Variants in GRK3 observed in about 807,000 individuals in gnomAD.
GRK3 encodes the protein adrenergic, beta, receptor kinase 2.
A neutral mutation model predicts 95.7 loss-of-function variants in GRK3; 54 were observed. That is an observed-to-expected ratio of 0.56 (90% confidence interval 0.45 to 0.71). The LOEUF is 0.71. Among genes scored for constraint, GRK3 ranks in the 30% least tolerant of loss-of-function variants. GRK3 has a pLI of 0.00. For missense variants in GRK3, 649 were observed against 851.2 expected, an observed-to-expected ratio of 0.76 and a Z score of 2.96; for synonymous variants, 281 against 290.8, an observed-to-expected ratio of 0.97 and a Z score of 0.34.
At position 25,711,055 on chromosome 22, in the gene GRK3, T is replaced by A. The variant is rs1233921989; in HGVS notation, c.1396-13T>A. 3 of 1,582,298 alleles carry A rather than the reference T, an allele frequency of 1.9e-6. No homozygotes were observed. In the African/African-American group the frequency reaches 4.1e-5, roughly 21 times the overall value. ...CATCTGAAAACTGTACCATGCTTGT[T>A]TGGATCTTCCAGTACCCACCACCCT... On this transcript the variant is annotated splice_polypyrimidine_tract_variant and intron_variant, in intron 16 of 20. Transcript: ENST00000324198.
intron 2 of GRK3, among the ~76,000 whole-genome samples, chr22:25,612,940 TA>T (rs1031450774): frequency 1.3e-5 from 2 of 151,818 alleles, no homozygotes; most frequent in African/African-American, 2.4e-5. Context: ...TGGTAATTAT[TA>T]AAAAAAACCC....
chr22:25,646,036 A>C (rs1273532680), intron 3 of GRK3, among the ~76,000 whole-genome samples: 1 of 152,132 alleles, frequency 6.6e-6, no homozygotes, highest in Non-Finnish European at 1.5e-5. Context: ...CCTGCTTACC[A>C]GAGTACAAAG....
intron 13 of GRK3, among the ~76,000 whole-genome samples, chr22:25,697,522 A>T (rs1014385000): frequency 3.3e-5 from 5 of 152,174 alleles, no homozygotes; most frequent in Admixed American, 2.6e-4. Flanking sequence ...GATGGATGAG[A>T]TAAGTGGAGA....
intron 3 of GRK3, among the ~76,000 whole-genome samples, chr22:25,647,020 C>CAAAAAAAAAAAAAAAAAA (rs1025786169): frequency 3.7e-5 from 2 of 54,002 alleles, no homozygotes; most frequent in African/African-American, 1.3e-4. Flanking sequence ...GACTTTGTCT[C>CAAAAAAAAAAAAAAAAAA]AAAAAAAAAA....
At chr22:25,596,556 G>A (rs2084373738) in intron 1 of GRK3, among the ~76,000 whole-genome samples, 2 of 152,162 alleles carry the variant, frequency 1.3e-5, no homozygotes, top group Admixed American at 1.3e-4. Context: ...CTTTGAGACA[G>A]GAGAGTACTA....
chr22:25,674,792 A>G (rs540968104), intron 8 of GRK3, among the ~76,000 whole-genome samples: 1 of 152,294 alleles, frequency 6.6e-6, no homozygotes, highest in South Asian at 2.1e-4. Context: ...TACTAAAAAT[A>G]CAAAAAATTA....
intron 1 of GRK3, among the ~76,000 whole-genome samples, chr22:25,575,491 T>G (rs1394770818): frequency 6.6e-6 from 1 of 152,218 alleles, no homozygotes; most frequent in Non-Finnish European, 1.5e-5. Context: ...CTTGCTGGAC[T>G]TCTCTTCTAG....
At chr22:25,674,004 T>C (rs2085006193) in intron 7 of GRK3, among the ~76,000 whole-genome samples, 1 of 152,122 alleles carries the variant, frequency 6.6e-6, no homozygotes, top group South Asian at 2.1e-4. Context: ...GCCCCTGACA[T>C]GGACTCTCAT....
intron 12 of GRK3, among the ~76,000 whole-genome samples, chr22:25,693,819 G>A (rs1317527404): frequency 1.5e-5 from 2 of 129,468 alleles, no homozygotes; most frequent in Admixed American, 9.9e-5. Flanking sequence ...CACTCTTGTC[G>A]CCCAGGCTGG....
At chr22:25,643,704 A>T (rs2084759777) in intron 2 of GRK3, among the ~76,000 whole-genome samples, 1 of 152,254 alleles carries the variant, frequency 6.6e-6, no homozygotes. Flanking sequence ...TTAGGCATTA[A>T]GCTAGGCACT....
chr22:25,683,689 TA>T (rs2085092030), intron 9 of GRK3, among the ~76,000 whole-genome samples: 1 of 152,198 alleles, frequency 6.6e-6, no homozygotes, highest in African/African-American at 2.4e-5. Context: ...GTGAATTGCC[TA>T]TTTTTTTTCC....
At chr22:25,636,376 T>A (rs2084701787) in intron 2 of GRK3, among the ~76,000 whole-genome samples, 1 of 152,194 alleles carries the variant, frequency 6.6e-6, no homozygotes, top group African/African-American at 2.4e-5. Flanking sequence ...ATACTCCCAT[T>A]CCAATTCAGT....
Position 25,714,584 on chromosome 22 carries a change from C to G in GRK3, c.1654+14C>G. On this transcript the variant is annotated intron_variant, in intron 18 of 20. Transcript: ENST00000324198. ...GCCACGAAGAAGGTAAAATAGCTCA[C>G]GTGTCTCAAAACATTTCTAATGCAG... The G allele has an allele frequency of 6.4e-7, 1 of 1,573,534 alleles. No homozygotes were observed. Among genetic ancestry groups the G allele is most frequent in the Non-Finnish European group, 8.6e-7 (1 of 1,163,390 alleles).
At chr22:25,663,755 G>T (rs764728772) in intron 5 of GRK3, 51 bp downstream of exon 5, 1 of 1,336,348 alleles carries the variant, frequency 7.5e-7, no homozygotes, top group South Asian at 1.2e-5. Flanking sequence ...TTAACACTTG[G>T]CCTTGGTGAC....
rs1940645100 is a variant in GRK3 at position 25,729,227 on chromosome 22, T to C, written c.*6777T>C. 1 of 152,254 alleles carries C rather than the reference T, an allele frequency of 6.6e-6. No individual in the cohort carries two copies. The highest frequency in any genetic ancestry group is 6.5e-5 in the Admixed American group (1 of 15,276). The allele number at this position is 152,254 out of a possible 1,614,324, so 9.4% of individuals were successfully genotyped here. A position where few individuals can be genotyped will look rare whatever the true frequency, so the allele number is the denominator to read the frequency against. On this transcript the variant is annotated 3_prime_UTR_variant, in exon 21 of 21. Transcript: ENST00000324198. ...ACCGTTTTTACAGTTACTTTGGAGC[T>C]GCTAGACTGGTTTTCTGTGTTGGTA...
At chr22:25,721,797 C>T (rs2085434832) in intron 20 of GRK3, among the ~76,000 whole-genome samples, 1 of 152,138 alleles carries the variant, frequency 6.6e-6, no homozygotes, top group South Asian at 2.1e-4. Flanking sequence ...TACATTGTAA[C>T]ACAAATTTCA....
chr22:25,722,223 G>C, intron 20 of GRK3, 66 bp from the exon 21 acceptor site: 1 of 1,572,310 alleles, frequency 6.4e-7, no homozygotes, highest in Non-Finnish European at 8.7e-7. Flanking sequence ...AATCAATAGG[G>C]GCAGCCTCCG....
chr22:25,575,250 G>A (rs538076583), intron 1 of GRK3, among the ~76,000 whole-genome samples: 195 of 152,290 alleles, frequency 1.3e-3, no homozygotes, highest in Non-Finnish European at 2.4e-3. Context: ...AGCTTATTTG[G>A]AAACTCCTTC....
chr22:25,612,870 G>A (rs1373852104), intron 2 of GRK3, among the ~76,000 whole-genome samples: 1 of 150,080 alleles, frequency 6.7e-6, no homozygotes, highest in Non-Finnish European at 1.5e-5. Context: ...AAAAATCTGA[G>A]CAGTTTCTAT....
Sources: gnomAD v4.1 joint callset for allele counts (sites outside exome capture counted in the v4.1 genomes callset) on GRCh38, gnomAD v4.1.1 for gene constraint, MANE v1.5 for transcripts, NCBI Gene and HGNC (gene_info 2026-07-23, HGNC 2026-07-21) for gene names.